The following ASTN2 variants were observed in gnomAD, a reference collection of about 807,000 sequenced individuals.
The protein encoded by ASTN2 is astrotactin-2.
A neutral mutation model predicts 139.8 loss-of-function variants in ASTN2; 54 were observed. The ratio of observed to expected loss-of-function variants is 0.39; its 90% CI spans 0.31 to 0.48. The LOEUF is 0.48. ASTN2 is among the 20% of genes least tolerant of loss of function. ASTN2 has a pLI of 0.95. For missense variants in ASTN2, 1,565 were observed against 1,725.1 expected, an observed-to-expected ratio of 0.91 and a Z score of 1.64; for synonymous variants, 756 against 719.5, an observed-to-expected ratio of 1.05 and a Z score of -0.81.
intron 20 of ASTN2, among the ~76,000 whole-genome samples, chr9:116,458,516 C>A (rs906837014): frequency 2.2e-4 from 33 of 150,224 alleles, no homozygotes; most frequent in African/African-American, 7.6e-4. Context: ...CATAAAAATT[C>A]GAAATAAAAA....
intron 19 of ASTN2, among the ~76,000 whole-genome samples, chr9:116,557,205 C>T (rs1462018002): frequency 1.9e-4 from 20 of 105,180 alleles, no homozygotes; most frequent in Admixed American, 4.6e-4. Flanking sequence ...GCCTGGGCAA[C>T]AGAGCGAGAC....
intron 5 of ASTN2, among the ~76,000 whole-genome samples, chr9:117,074,517 GGT>G (rs1491157299): frequency 2.0e-5 from 3 of 152,158 alleles, no homozygotes; most frequent in Non-Finnish European, 2.9e-5. Context: ...AGATGTGCAG[GGT>G]GTGTTTGTGG....
chr9:116,680,310 C>G (rs1360165751), intron 16 of ASTN2, among the ~76,000 whole-genome samples: 1 of 152,164 alleles, frequency 6.6e-6, no homozygotes, highest in Non-Finnish European at 1.5e-5. Flanking sequence ...TACACCATCC[C>G]AAGACTAAAC....
intron 1 of ASTN2, among the ~76,000 whole-genome samples, chr9:117,369,411 T>C (rs1389134706): frequency 6.6e-6 from 1 of 152,126 alleles, no homozygotes; most frequent in Non-Finnish European, 1.5e-5. Flanking sequence ...GTATCTCTAC[T>C]CTTTACGATA....
intron 22 of ASTN2, among the ~76,000 whole-genome samples, chr9:116,433,444 T>C (rs923266890): frequency 2.0e-5 from 3 of 152,224 alleles, no homozygotes; most frequent in Non-Finnish European, 2.9e-5. Context: ...TCCATATCTG[T>C]ATACAGAAAT....
chr9:117,285,151 G>T (rs10983605), intron 2 of ASTN2, among the ~76,000 whole-genome samples: 1 of 151,782 alleles, frequency 6.6e-6, no homozygotes, highest in African/African-American at 2.4e-5. Flanking sequence ...TTCAGTTCTC[G>T]CCCAGTACCT....
At chr9:116,468,929 T>A (rs987948099) in intron 20 of ASTN2, among the ~76,000 whole-genome samples, 4 of 152,222 alleles carry the variant, frequency 2.6e-5, no homozygotes, top group African/African-American at 7.2e-5. Flanking sequence ...TGGAAAATCA[T>A]GTTTCCTTTT....
Position 116,651,685 on chromosome 9 carries a change from C to T in ASTN2, c.2915G>A (p.Gly972Asp), listed in dbSNP as rs1169181298. The T allele has an allele frequency of 1.2e-6, 2 of 1,614,162 alleles. No homozygotes were observed. Among genetic ancestry groups the T allele is most frequent in the Non-Finnish European group, 1.7e-6 (2 of 1,180,040 alleles). Residue 972 changes from glycine to aspartate, a missense_variant, in exon 17 of 23, where the codon GGT becomes GAT. By Grantham distance (94) the Gly-to-Asp change is moderately conservative. Around this residue, in one of 4 missense-constraint regions of ASTN2, gnomAD observed 48 missense variants for 90.7 expected, o/e 0.53. Transcript: ENST00000313400. The part of the protein sequence containing the change: ...QMLSDDQLIS[G>D]VEIRCEEKGR... ...CTTCTCCTCACAGCGAATCTCCACA[C>T]CTGAAATGAGCTGGTCATCTGACAG...
chr9:117,147,737 T>C (rs930553291), intron 3 of ASTN2, among the ~76,000 whole-genome samples: 2 of 152,152 alleles, frequency 1.3e-5, no homozygotes, highest in South Asian at 4.1e-4. Context: ...GAGATGAGGA[T>C]AGCAAGACTC....
chr9:117,194,650 A>G (rs1227522841), intron 3 of ASTN2, among the ~76,000 whole-genome samples: 1 of 152,204 alleles, frequency 6.6e-6, no homozygotes. Flanking sequence ...ATCTAAGCTA[A>G]TGTCTTTCCT....
At chr9:117,302,212 C>T (rs1389016118) in intron 1 of ASTN2, among the ~76,000 whole-genome samples, 4 of 152,068 alleles carry the variant, frequency 2.6e-5, no homozygotes, top group African/African-American at 9.7e-5. Context: ...CCCCAGTGCC[C>T]CGTAAACCTT....
intron 17 of ASTN2, among the ~76,000 whole-genome samples, chr9:116,627,151 G>A (rs1384201422): frequency 1.3e-5 from 2 of 152,242 alleles, no homozygotes; most frequent in African/African-American, 2.4e-5. Flanking sequence ...AGGGAGAAAA[G>A]TAGGTAGTGT....
At chr9:116,901,955 G>C (rs1336314570) in intron 10 of ASTN2, among the ~76,000 whole-genome samples, 1 of 152,182 alleles carries the variant, frequency 6.6e-6, no homozygotes, top group East Asian at 1.9e-4. Flanking sequence ...AACCCGGGAG[G>C]CAGAGGTTGC....
intron 1 of ASTN2, among the ~76,000 whole-genome samples, chr9:117,361,325 T>C (rs906861359): frequency 6.6e-6 from 1 of 152,154 alleles, no homozygotes; most frequent in African/African-American, 2.4e-5. Flanking sequence ...GCGGCCAGCA[T>C]AGCAAGTCGC....
chr9:116,929,727 G>A (rs550412765), intron 10 of ASTN2, among the ~76,000 whole-genome samples: 10 of 152,192 alleles, frequency 6.6e-5, no homozygotes, highest in South Asian at 4.1e-4. Flanking sequence ...TTATTAATTC[G>A]CTCCAGCAAT....
At chr9:117,137,114 A>C (rs775896853) in intron 4 of ASTN2, among the ~76,000 whole-genome samples, 3 of 152,194 alleles carry the variant, frequency 2.0e-5, no homozygotes. Flanking sequence ...GCTCCTTAAT[A>C]GCAGCCTCAT....
At chr9:116,429,256 T>C (rs770381090) in intron 22 of ASTN2, among the ~76,000 whole-genome samples, 29 of 149,434 alleles carry the variant, frequency 1.9e-4, no homozygotes, top group Admixed American at 3.4e-4. Flanking sequence ...GGAGAATTGC[T>C]TGAACCCAGG....
chr9:116,818,129 A>G (rs1831388090), intron 12 of ASTN2, among the ~76,000 whole-genome samples: 1 of 152,196 alleles, frequency 6.6e-6, no homozygotes, highest in Non-Finnish European at 1.5e-5. Context: ...TGAATGAGCT[A>G]ATGTACCCAA....
intron 11 of ASTN2, among the ~76,000 whole-genome samples, chr9:116,853,819 C>A (rs533261430): frequency 5.3e-5 from 8 of 152,130 alleles, no homozygotes; most frequent in Non-Finnish European, 1.2e-4. Context: ...ACTGTCCTTA[C>A]AGACTTCTGG....
Sources: gnomAD v4.1 joint callset for allele counts (sites outside exome capture counted in the v4.1 genomes callset) on GRCh38, gnomAD v4.1.1 for gene constraint, gnomAD v4.1.1 regional missense constraint, MANE v1.5 for transcripts, NCBI Gene and HGNC (gene_info 2026-07-23, HGNC 2026-07-21) for gene names.